The following FAM107B variants were observed in gnomAD, a reference collection of about 807,000 sequenced individuals.
FAM107B encodes protein FAM107B.
Under a neutral mutation model 31.5 loss-of-function variants are expected in FAM107B, and 21 were observed. The ratio of observed to expected loss-of-function variants is 0.67; its 90% confidence interval spans 0.47 to 0.96. The LOEUF (loss-of-function observed/expected upper bound fraction) is 0.96. FAM107B is among the 40% of genes least tolerant of loss of function. The pLI, the probability that FAM107B is intolerant of heterozygous loss-of-function variation, is 0.00. For synonymous variants in FAM107B, 157 were observed against 141.5 expected, an observed-to-expected ratio of 1.11 and a Z score of -0.78; for missense variants, 452 against 377.1, an observed-to-expected ratio of 1.20 and a Z score of -1.64.
chr10:14,649,621 C>G (rs1247096225), intron 2 of FAM107B, among the ~76,000 whole-genome samples: 1 of 152,210 alleles, frequency 6.6e-6, no homozygotes, highest in African/African-American at 2.4e-5. Context: ...TTGAATCCAC[C>G]TGTGACCTGG....
At chr10:14,617,765 A>G (rs1852891050) in intron 2 of FAM107B, among the ~76,000 whole-genome samples, 1 of 151,720 alleles carries the variant, frequency 6.6e-6, no homozygotes, top group Non-Finnish European at 1.5e-5. Flanking sequence ...AAAAAAAAAA[A>G]AAAAAAAAGG....
intron 2 of FAM107B, among the ~76,000 whole-genome samples, chr10:14,562,615 A>C (rs1187110008): frequency 6.6e-6 from 1 of 152,252 alleles, no homozygotes; most frequent in Non-Finnish European, 1.5e-5. Context: ...AAAAGACAAA[A>C]TTCTGGAAGT....
In FAM107B at chr10:14,768,863, G is replaced by A. The variant is rs192737712; in HGVS notation, c.411+5390C>T. Among the ~76,000 whole-genome samples the A allele has an allele frequency of 1.9e-3, 296 of 152,218 alleles. 1 individual carries two copies. Among genetic ancestry groups the A allele is most frequent in the South Asian group, 3.5e-3 (17 of 4,822 alleles). On this transcript the variant is annotated intron_variant, in intron 1 of 4. Coordinates refer to ENST00000181796, the MANE Select transcript of FAM107B (RefSeq NM_031453.4). ...CAACTAAATGAGCATTCTGACTTAC[G>A]CATCAGGCTCTTGTAAACTATCTCT...
Position 14,729,289 on chromosome 10 carries a change from G to A in FAM107B, c.411+44964C>T, listed in dbSNP as rs565294969. 9.5e-4 allele frequency among the ~76,000 whole-genome samples: 145 copies of A among 152,156 alleles called. 3 individuals carry two copies. The South Asian group carries it at 0.026, about 27-fold the overall frequency. On this transcript the variant is annotated intron_variant, in intron 1 of 4. Transcript: ENST00000181796. ...ACTGGGATTACAAATGCAAGCTACC[G>A]CACCTGATCAAGTTAAATATTTTTA...
chr10:14,743,978 T>C (rs1399966856), intron 1 of FAM107B, among the ~76,000 whole-genome samples: 2 of 152,226 alleles, frequency 1.3e-5, no homozygotes, highest in African/African-American at 2.4e-5. Context: ...ATTCTTCCTA[T>C]CCATGAATAT....
chr10:14,619,173 A>G (rs1417043109), intron 2 of FAM107B, among the ~76,000 whole-genome samples: 1 of 152,164 alleles, frequency 6.6e-6, no homozygotes, highest in Non-Finnish European at 1.5e-5. Flanking sequence ...GCGAGAAATA[A>G]ATTGCTGTTG....
intron 1 of FAM107B, among the ~76,000 whole-genome samples, chr10:14,731,474 A>C (rs558607189): frequency 5.4e-4 from 83 of 152,326 alleles, no homozygotes; most frequent in East Asian, 2.5e-3. Context: ...AGACAGGAGG[A>C]TCACTTGAGC....
chr10:14,591,113 A>C (rs941866535), intron 2 of FAM107B, among the ~76,000 whole-genome samples: 3 of 152,190 alleles, frequency 2.0e-5, no homozygotes, highest in Admixed American at 6.5e-5. Context: ...GATCTTTTAT[A>C]AGAAAAGACT....
At chr10:14,769,455 GCT>G in intron 1 of FAM107B, among the ~76,000 whole-genome samples, 1 of 152,122 alleles carries the variant, frequency 6.6e-6, no homozygotes, top group Non-Finnish European at 1.5e-5. Flanking sequence ...TGCAATCTCG[GCT>G]CACTGCAACC....
rs1241905713 is a variant in FAM107B at position 14,671,889 on chromosome 10, A to C, written c.412-4198T>G. On this transcript the variant is annotated intron_variant, in intron 1 of 4. Transcript: ENST00000181796. The stretch of plus-strand genomic sequence containing the variant: ...CTTTTATTTAAAAAAAAAAAACAAA[A>C]AAACAAAAAAAAAACCCTCTATTTC... 1.7e-4 allele frequency among the ~76,000 whole-genome samples: 25 copies of C among 148,510 alleles called. No individual in the cohort carries two copies. In the South Asian group the frequency reaches 2.6e-3, roughly 15 times the overall value.
chr10:14,739,198 G>C (rs150071364), intron 1 of FAM107B, among the ~76,000 whole-genome samples: 33 of 152,278 alleles, frequency 2.2e-4, no homozygotes, highest in African/African-American at 6.0e-4. Context: ...GTGATCACAG[G>C]GTGGCCCAGA....
At chr10:14,524,390 A>G (rs1846005242) in intron 3 of FAM107B, among the ~76,000 whole-genome samples, 1 of 152,116 alleles carries the variant, frequency 6.6e-6, no homozygotes, top group African/African-American at 2.4e-5. Context: ...AAAATAATAT[A>G]TGTCTCCAAT....
intron 2 of FAM107B, among the ~76,000 whole-genome samples, chr10:14,666,549 T>C (rs966851469): frequency 2.0e-5 from 3 of 151,610 alleles, no homozygotes; most frequent in Non-Finnish European, 4.4e-5. Context: ...AGCCAAACCA[T>C]AACAGATTGG....
chr10:14,635,283 A>G (rs2131424268), intron 2 of FAM107B, among the ~76,000 whole-genome samples: 1 of 152,268 alleles, frequency 6.6e-6, no homozygotes, highest in Admixed American at 6.5e-5. Context: ...AGAAACCAGG[A>G]AGCCCTAAAT....
At chr10:14,569,054 A>G (rs1850960000) in intron 2 of FAM107B, among the ~76,000 whole-genome samples, 1 of 152,178 alleles carries the variant, frequency 6.6e-6, no homozygotes, top group South Asian at 2.1e-4. Flanking sequence ...TGAGCTACAG[A>G]ATGAATTTTT....
chr10:14,551,365 A>G (rs1399326785), intron 2 of FAM107B, among the ~76,000 whole-genome samples: 1 of 152,048 alleles, frequency 6.6e-6, no homozygotes, highest in Non-Finnish European at 1.5e-5. Flanking sequence ...GGCTGGTCTT[A>G]AACTCCTGAC....
chr10:14,669,036 T>C (rs181321918), intron 1 of FAM107B, among the ~76,000 whole-genome samples: 1 of 152,234 alleles, frequency 6.6e-6, no homozygotes, highest in Admixed American at 6.5e-5. Context: ...TCACCTGGAT[T>C]AGAACCCACC....
chr10:14,569,248 A>T (rs1450012222), intron 2 of FAM107B, among the ~76,000 whole-genome samples: 1 of 152,238 alleles, frequency 6.6e-6, no homozygotes, highest in Non-Finnish European at 1.5e-5. Flanking sequence ...GTTTGCAGAT[A>T]TAACTGCCAA....
At chr10:14,677,976 T>C (rs1194075683) in intron 1 of FAM107B, among the ~76,000 whole-genome samples, 1 of 152,236 alleles carries the variant, frequency 6.6e-6, no homozygotes, top group Non-Finnish European at 1.5e-5. Flanking sequence ...TTAGGCACTG[T>C]CTTTCCAGGG....
Sources: allele counts gnomAD v4.1 joint callset (sites outside exome capture counted in the v4.1 genomes callset), GRCh38; gene constraint gnomAD v4.1.1; transcripts MANE v1.5; gene names NCBI Gene and HGNC (gene_info 2026-07-23, HGNC 2026-07-21).